Variants in ETS1 observed in about 807,000 individuals in gnomAD.
ETS1 encodes the protein ETS proto-oncogene 1, transcription factor.
A neutral mutation model predicts 58.6 loss-of-function variants in ETS1; 15 were observed. That is an observed-to-expected ratio of 0.26 (90% CI 0.17 to 0.39). The LOEUF (loss-of-function observed/expected upper bound fraction) is 0.39. Among genes scored for constraint, ETS1 ranks in the 10% least tolerant of loss-of-function variants. ETS1 has a pLI of 1.00. For missense variants in ETS1, 417 were observed against 610.5 expected (o/e 0.68, Z 3.34); for synonymous variants, 214 against 218.2 (o/e 0.98, Z 0.17).
At chr11:128,488,250 A>G (rs1358833179) in intron 5 of ETS1, among the ~76,000 whole-genome samples, 2 of 152,236 alleles carry the variant, frequency 1.3e-5, no homozygotes, top group Admixed American at 1.3e-4. Context: ...AAGCAGCCAC[A>G]GAAAGACTCA....
intron 4 of ETS1, among the ~76,000 whole-genome samples, chr11:128,490,068 T>G (rs1264795832): frequency 6.6e-6 from 1 of 152,238 alleles, no homozygotes; most frequent in East Asian, 1.9e-4. Flanking sequence ...AGCTATAGCT[T>G]GAGTAGCACT....
chr11:128,540,823 C>T (rs567683519), intron 3 of ETS1, among the ~76,000 whole-genome samples: 1 of 152,286 alleles, frequency 6.6e-6, no homozygotes, highest in Admixed American at 6.5e-5. Flanking sequence ...GGAGTCTAAG[C>T]TCATCTCTGA....
intron 8 of ETS1, among the ~76,000 whole-genome samples, chr11:128,473,964 G>A (rs1382624536): frequency 6.6e-6 from 1 of 152,220 alleles, no homozygotes; most frequent in Non-Finnish European, 1.5e-5. Flanking sequence ...CTGCTCAGTG[G>A]AAACATTTTG....
chr11:128,577,928 A>AAAG (rs1020411142), intron 1 of ETS1, among the ~76,000 whole-genome samples: 7 of 151,598 alleles, frequency 4.6e-5, no homozygotes, highest in African/African-American at 1.2e-4. Flanking sequence ...AAAAAAAAAA[A>AAAG]AGAGAGAGAG....
At chr11:128,585,035 A>G (rs867491124) in intron 1 of ETS1, among the ~76,000 whole-genome samples, 858 of 5,580 alleles carry the variant, frequency 0.15, 121 homozygotes, top group Non-Finnish European at 0.17. Context: ...AAGAAAGAAA[A>G]GAAAGAAAGA....
intron 3 of ETS1, among the ~76,000 whole-genome samples, chr11:128,499,305 T>C (rs1863025053): frequency 6.6e-6 from 1 of 152,134 alleles, no homozygotes; most frequent in Admixed American, 6.5e-5. Context: ...GCTAACCAAT[T>C]TATTTTAATT....
intron 8 of ETS1, among the ~76,000 whole-genome samples, chr11:128,474,798 A>G (rs1419741838): frequency 6.6e-6 from 1 of 152,190 alleles, no homozygotes; most frequent in Admixed American, 6.5e-5. Context: ...GTTAATCACA[A>G]CAGCCTCTGA....
chr11:128,467,043 G>A (rs566251704), intron 8 of ETS1, among the ~76,000 whole-genome samples: 9 of 152,290 alleles, frequency 5.9e-5, no homozygotes, highest in South Asian at 4.1e-4. Context: ...CATGATGGCC[G>A]CTGAAGCGTC....
chr11:128,474,637 C>G (rs1275540524), intron 8 of ETS1, among the ~76,000 whole-genome samples: 4 of 152,200 alleles, frequency 2.6e-5, no homozygotes, highest in African/African-American at 9.6e-5. Context: ...GAGTCTATTA[C>G]TCCACTGAGA....
At chr11:128,477,760 C>T (rs900617028) in intron 8 of ETS1, among the ~76,000 whole-genome samples, 2 of 152,160 alleles carry the variant, frequency 1.3e-5, no homozygotes, top group Non-Finnish European at 2.9e-5. Flanking sequence ...AGACAGTGAG[C>T]CCACATACTC....
intron 3 of ETS1, among the ~76,000 whole-genome samples, chr11:128,511,108 T>A (rs150346617): frequency 4.6e-5 from 7 of 152,182 alleles, no homozygotes; most frequent in Non-Finnish European, 1.0e-4. Context: ...TTCCACAACA[T>A]GCAGCTTAAG....
chr11:128,481,519 T>G (rs1428875365), intron 7 of ETS1, among the ~76,000 whole-genome samples: 2 of 152,176 alleles, frequency 1.3e-5, no homozygotes, highest in Non-Finnish European at 2.9e-5. Context: ...TTTCAGATAC[T>G]TTTCAAGTAA....
intron 5 of ETS1, 62 bp from the exon 6 acceptor site, chr11:128,486,208 A>G: frequency 9.6e-7 from 1 of 1,040,610 alleles, no homozygotes; most frequent in Non-Finnish European, 1.5e-6. Flanking sequence ...TTGGCCTAAA[A>G]GGATCTTGGA....
At chr11:128,564,503 G>A (rs1455199096) in intron 2 of ETS1, among the ~76,000 whole-genome samples, 1 of 152,138 alleles carries the variant, frequency 6.6e-6, no homozygotes, top group South Asian at 2.1e-4. Context: ...ACACAAAGTC[G>A]GAGGTAGTGC....
intron 1 of ETS1, among the ~76,000 whole-genome samples, chr11:128,585,701 G>C (rs1322678538): frequency 1.3e-5 from 2 of 152,162 alleles, no homozygotes; most frequent in African/African-American, 2.4e-5. Flanking sequence ...GCCCTATGCT[G>C]TTTACTTCTA....
chr11:128,512,252 G>A (rs930296410), intron 3 of ETS1, among the ~76,000 whole-genome samples: 4 of 152,152 alleles, frequency 2.6e-5, no homozygotes, highest in African/African-American at 9.7e-5. Flanking sequence ...GAGGATACTG[G>A]CACAAAGTTT....
At chr11:128,529,044 G>A (rs1281887545) in intron 3 of ETS1, 4 of 152,182 alleles carry the variant, frequency 2.6e-5, no homozygotes, top group Admixed American at 6.5e-5. Flanking sequence ...AGGAATTTCC[G>A]AACTTCGAGT....
rs1864196862 is a variant in ETS1, at chr11:128,549,572, A to C, written c.214+6719T>G. ...CTGGGAGTCCCAGCGCAATGCTGTT[A>C]CTTCCTAGGATGTTCGAGAAGCTGC... On this transcript the variant is annotated intron_variant, in intron 3 of 9. Coordinates refer to ENST00000392668, the MANE Select transcript of ETS1 (RefSeq NM_001143820.2). The surrounding 1 kb of genome is among the most constrained non-coding windows in gnomAD (Gnocchi z 4.3). 1.3e-5 allele frequency among the ~76,000 whole-genome samples: 2 copies of C among 152,006 alleles called. No homozygotes were observed. The highest frequency in any genetic ancestry group is 4.1e-4 in the South Asian group (2 of 4,832).
intron 3 of ETS1, chr11:128,536,420 A>G (rs1277703359): frequency 6.6e-6 from 1 of 152,262 alleles, no homozygotes; most frequent in East Asian, 1.9e-4. Context: ...CATATAGTCA[A>G]TATAATTTAT....
Sources: allele counts gnomAD v4.1 joint callset (sites outside exome capture counted in the v4.1 genomes callset), GRCh38; gene constraint gnomAD v4.1.1; non-coding constraint Gnocchi (gnomAD v3.1); transcripts MANE v1.5; gene names NCBI Gene and HGNC (gene_info 2026-07-23, HGNC 2026-07-21).